ARIH1: variants seen among roughly 807,000 people sequenced by gnomAD.
The protein encoded by ARIH1 is ariadne RBR E3 ubiquitin protein ligase 1.
A neutral mutation model predicts 85.0 loss-of-function variants in ARIH1; 8 were observed. The ratio of observed to expected loss-of-function variants is 0.09; its 90% CI spans 0.06 to 0.17. The LOEUF (loss-of-function observed/expected upper bound fraction) is 0.17. Ranked by LOEUF, ARIH1 falls within the 10% of genes least tolerant of loss-of-function variation. ARIH1 has a pLI of 1.00. For synonymous variants in ARIH1, 238 were observed against 253.6 expected, an observed-to-expected ratio of 0.94 and a Z score of 0.59; for missense variants, 311 against 718.1, an observed-to-expected ratio of 0.43 and a Z score of 6.48.
At position 72,570,245 on chromosome 15, in the gene ARIH1, G is replaced by T; in HGVS notation, c.1095G>T (p.Gln365His). ...GTAATCACATGGTCTGTCGTAACCAGAATTGTAAAGCAGAGTTTTGCTGGG... is the reference window on the plus strand; with the variant it reads ...GTAATCACATGGTCTGTCGTAACCATAATTGTAAAGCAGAGTTTTGCTGGG... Reference protein sequence around the residue: ...GGCNHMVCRNQNCKAEFCWVC... With the variant: ...GGCNHMVCRNHNCKAEFCWVC... Residue 365 changes from glutamine to histidine, a missense_variant, in exon 10 of 14, where the codon CAG (glutamine) becomes CAT (histidine). Transcript: ENST00000379887. The T allele has an allele frequency of 6.2e-7, 1 of 1,614,104 alleles. No individual in the cohort carries two copies. Among genetic ancestry groups the T allele is most frequent in the Non-Finnish European group, 8.5e-7 (1 of 1,179,978 alleles).
chr15:72,515,736 C>T (rs2063972169), intron 1 of ARIH1, among the ~76,000 whole-genome samples: 2 of 152,166 alleles, frequency 1.3e-5, no homozygotes, highest in South Asian at 4.1e-4. Context: ...AGCACTTGAG[C>T]AGTGATTTAT....
chr15:72,570,343 ATAAG>A (rs1157243169), intron 10 of ARIH1, 36 bp downstream of exon 10: 2 of 1,612,500 alleles, frequency 1.2e-6, no homozygotes, highest in Admixed American at 1.7e-5. Flanking sequence ...ATGTGTTTAC[ATAAG>A]TATGTGCCAT....
intron 5 of ARIH1, among the ~76,000 whole-genome samples, chr15:72,559,148 A>G (rs1186660630): frequency 6.6e-6 from 1 of 152,198 alleles, no homozygotes; most frequent in Non-Finnish European, 1.5e-5. Context: ...CCGTCCATAT[A>G]TGCAGGTTTC....
intron 2 of ARIH1, among the ~76,000 whole-genome samples, chr15:72,522,749 A>G (rs955449401): frequency 6.6e-6 from 1 of 152,230 alleles, no homozygotes; most frequent in African/African-American, 2.4e-5. Context: ...CAAAAGACAC[A>G]TGTAACAAAG....
intron 1 of ARIH1, among the ~76,000 whole-genome samples, chr15:72,511,171 T>G (rs1331144430): frequency 6.6e-6 from 1 of 152,238 alleles, no homozygotes; most frequent in Non-Finnish European, 1.5e-5. Flanking sequence ...CAGTTTTCCG[T>G]GTACACGTTC....
chr15:72,484,704 C>T (rs898393506), intron 1 of ARIH1, among the ~76,000 whole-genome samples: 5 of 147,170 alleles, frequency 3.4e-5, no homozygotes, highest in East Asian at 2.0e-4. Context: ...CGTGTGTATA[C>T]GTATATACGT....
intron 1 of ARIH1, among the ~76,000 whole-genome samples, chr15:72,498,560 C>G (rs1229127908): frequency 6.6e-6 from 1 of 152,096 alleles, no homozygotes; most frequent in Non-Finnish European, 1.5e-5. Flanking sequence ...TATTAAGAAT[C>G]TTGGTCTGGC....
intron 1 of ARIH1, among the ~76,000 whole-genome samples, chr15:72,482,814 G>A (rs575781996): frequency 6.6e-6 from 1 of 151,266 alleles, no homozygotes; most frequent in East Asian, 2.0e-4. Context: ...CCAAGGTGAC[G>A]GCTTGGTAGC....
chr15:72,585,214 C>T lies in ARIH1; in HGVS notation c.*1922C>T, dbSNP rs1337615436. The T allele has an allele frequency of 6.6e-6, 1 of 152,094 alleles. No individual in the cohort carries two copies. The highest frequency in any genetic ancestry group is 1.5e-5 in the Non-Finnish European group (1 of 67,994). The allele number at this position is 152,094 out of a possible 1,614,324, so 9.4% of individuals were successfully genotyped here. On this transcript the variant is annotated 3_prime_UTR_variant, in exon 14 of 14. Transcript: ENST00000379887. ...TGAGTATAAATGCTGCTTCCTTAAA[C>T]CACTTGTCGCTTTAGGATCAACTTT...
chr15:72,548,400 A>G (rs1027261799), intron 3 of ARIH1, among the ~76,000 whole-genome samples: 2 of 152,210 alleles, frequency 1.3e-5, no homozygotes, highest in African/African-American at 4.8e-5. Context: ...GAAATGAAGG[A>G]GTGAGGTAGG....
Position 72,594,937 on chromosome 15 carries a change from A to G in ARIH1, c.*11645A>G, listed in dbSNP as rs2064357885. On this transcript the variant is annotated 3_prime_UTR_variant, in exon 14 of 14. Transcript: ENST00000379887. ...CTTAATCTTAGGGATAAAGATTTTA[A>G]TGTTTCATCACTAAGTATAATGTTA... The G allele has an allele frequency of 6.9e-6, 1 of 145,204 alleles. No individual in the cohort carries two copies. The highest frequency in any genetic ancestry group is 2.5e-5 in the African/African-American group (1 of 39,784). 9.0% of individuals were successfully genotyped at this position (145,204 alleles called of 1,614,324 possible). A position where few individuals can be genotyped will look rare whatever the true frequency, so the allele number is the denominator to read the frequency against.
intron 1 of ARIH1, among the ~76,000 whole-genome samples, chr15:72,477,302 CTTCT>C (rs1426265805): frequency 2.0e-5 from 3 of 152,126 alleles, no homozygotes; most frequent in Non-Finnish European, 4.4e-5. Flanking sequence ...GTTTGTAAGA[CTTCT>C]TTCTATTAAT....
Position 72,583,269 on chromosome 15 carries a change from C to G in ARIH1, c.1651C>G (p.Leu551Val). Residue 551 changes from leucine (L) to valine (V), a missense_variant, in exon 14 of 14, where the codon CTG becomes GTG. Around this residue, in one of 3 missense-constraint regions of ARIH1, gnomAD observed 50 missense variants for 311.7 expected, o/e 0.16. Coordinates refer to ENST00000379887, the MANE Select transcript of ARIH1 (RefSeq NM_005744.5). ...QHVHEGYEKD[L>V]WEYIED Reference sequence around the variant, plus strand: ...TGTGCATGAAGGCTATGAAAAAGATCTGTGGGAGTACATTGAGGACTGAGA... The same window carrying G: ...TGTGCATGAAGGCTATGAAAAAGATGTGTGGGAGTACATTGAGGACTGAGA... 4 of 1,612,374 alleles carry G rather than the reference C, an allele frequency of 2.5e-6. No homozygotes were observed. Among genetic ancestry groups the G allele is most frequent in the Non-Finnish European group, 3.4e-6 (4 of 1,179,336 alleles).
intron 2 of ARIH1, among the ~76,000 whole-genome samples, chr15:72,518,635 A>G (rs1480878272): frequency 6.6e-6 from 1 of 152,050 alleles, no homozygotes; most frequent in Admixed American, 6.5e-5. Context: ...TAAAAATACA[A>G]AAATTAGCTG....
chr15:72,516,506 G>A (rs1299661868), intron 1 of ARIH1, among the ~76,000 whole-genome samples: 5 of 152,146 alleles, frequency 3.3e-5, no homozygotes, highest in Non-Finnish European at 5.9e-5. Flanking sequence ...ACAAATAAAC[G>A]TATAACTTAG....
At chr15:72,566,091 A>G (rs1353539073) in intron 7 of ARIH1, among the ~76,000 whole-genome samples, 1 of 152,160 alleles carries the variant, frequency 6.6e-6, no homozygotes, top group African/African-American at 2.4e-5. Context: ...ATTTCCCTCT[A>G]CAGGGCGGAG....
At chr15:72,571,129 CAAAAAAAAAA>C (rs56376097) in intron 10 of ARIH1, among the ~76,000 whole-genome samples, 13 of 61,474 alleles carry the variant, frequency 2.1e-4, no homozygotes, top group South Asian at 1.9e-3. Flanking sequence ...AACTGTGTCT[CAAAAAAAAAA>C]AAAAAAAAAA....
chr15:72,586,387 C>T lies in ARIH1; in HGVS notation c.*3095C>T, dbSNP rs1028333355. 1 of 152,124 alleles carries T rather than the reference C, an allele frequency of 6.6e-6. No individual in the cohort carries two copies. Among genetic ancestry groups the T allele is most frequent in the Admixed American group, 6.5e-5 (1 of 15,274 alleles). The allele number at this position is 152,124 out of a possible 1,614,324, so 9.4% of individuals were successfully genotyped here. A position where few individuals can be genotyped will look rare whatever the true frequency, so the allele number is the denominator to read the frequency against. On this transcript the variant is annotated 3_prime_UTR_variant, in exon 14 of 14. Transcript: ENST00000379887. ...GATGGGATGGGGTGGGTTGGTGAGA[C>T]AATCAGAATGGTAAATTGATTAAAT...
intron 1 of ARIH1, among the ~76,000 whole-genome samples, chr15:72,480,444 A>G (rs1347060313): frequency 3.3e-5 from 5 of 151,756 alleles, no homozygotes; most frequent in Admixed American, 6.6e-5. Flanking sequence ...GTATTTTATT[A>G]GAGATGAGGT....
Sources: allele counts gnomAD v4.1 joint callset (sites outside exome capture counted in the v4.1 genomes callset), GRCh38; gene constraint gnomAD v4.1.1; regional missense constraint gnomAD v4.1.1; transcripts MANE v1.5; gene names NCBI Gene and HGNC (gene_info 2026-07-23, HGNC 2026-07-21).